NPAS3: variants seen among roughly 807,000 people sequenced by gnomAD.
NPAS3 encodes neuronal PAS domain-containing protein 3.
In NPAS3, 14 loss-of-function variants were observed where a neutral mutation model predicts 73.1. The ratio of observed to expected loss-of-function variants is 0.19; its 90% CI spans 0.13 to 0.30. The LOEUF (loss-of-function observed/expected upper bound fraction) is 0.30. Ranked by LOEUF, NPAS3 falls within the 10% of genes least tolerant of loss-of-function variation. NPAS3 has a pLI of 1.00. For missense variants in NPAS3, 1,096 were observed against 1,250.0 expected (o/e 0.88, Z 1.86); for synonymous variants, 620 against 541.5 (o/e 1.14, Z -2.01).
At chr14:32,941,190 TC>T (rs2035978138) in intron 1 of NPAS3, among the ~76,000 whole-genome samples, 1 of 112,364 alleles carries the variant, frequency 8.9e-6, no homozygotes, top group Admixed American at 8.6e-5. Flanking sequence ...TTGGTTTTCT[TC>T]CCCCTCCCCT....
intron 7 of NPAS3, among the ~76,000 whole-genome samples, chr14:33,771,577 C>T (rs897668797): frequency 2.0e-5 from 3 of 151,914 alleles, no homozygotes; most frequent in African/African-American, 4.8e-5. Context: ...TTTGGGAGGC[C>T]GAGGCAGGAG....
chr14:33,187,310 A>C (rs553871054), intron 2 of NPAS3, among the ~76,000 whole-genome samples: 183 of 152,228 alleles, frequency 1.2e-3, no homozygotes, highest in Non-Finnish European at 3.5e-4. Context: ...CTTGTTCTTC[A>C]TGCCCATGGG....
chr14:33,357,863 T>A lies in NPAS3; in HGVS notation c.386-9323T>A, dbSNP rs1270437268. On this transcript the variant is annotated intron_variant, in intron 3 of 11. Coordinates refer to ENST00000356141, the Ensembl canonical transcript of NPAS3. ...GTCCTCACAACTGCTGTGAGAGGCA[T>A]TAACCCTTTTGACAGAATGAGAAAT... Among the ~76,000 whole-genome samples the A allele has an allele frequency of 2.0e-5, 3 of 152,174 alleles. 1 individual carries two copies. Among genetic ancestry groups the A allele is most frequent in the Admixed American group, 6.5e-5 (1 of 15,282 alleles).
At chr14:33,308,589 A>C (rs61972729) in intron 3 of NPAS3, among the ~76,000 whole-genome samples, 1 of 16,048 alleles carries the variant, frequency 6.2e-5, no homozygotes, top group Admixed American at 5.4e-4. Context: ...ATCTATATAT[A>C]TGATCTATCT....
At chr14:33,047,989 G>T (rs1451901395) in intron 1 of NPAS3, among the ~76,000 whole-genome samples, 1 of 152,138 alleles carries the variant, frequency 6.6e-6, no homozygotes, top group Non-Finnish European at 1.5e-5. Context: ...TGCATTGCAG[G>T]TGGATTTCTC....
intron 7 of NPAS3, 41 bp from the exon 8 acceptor site, chr14:33,774,296 G>A: frequency 2.0e-6 from 3 of 1,521,156 alleles, no homozygotes; most frequent in East Asian, 2.3e-5. Context: ...TATCTGGGAT[G>A]TAAATTTGAC....
At chr14:33,157,849 C>G (rs939950237) in intron 2 of NPAS3, among the ~76,000 whole-genome samples, 3 of 152,100 alleles carry the variant, frequency 2.0e-5, no homozygotes, top group Admixed American at 6.5e-5. Flanking sequence ...GTCATCTCAT[C>G]TGTGAGATGG....
chr14:33,318,888 C>T (rs963146825), intron 3 of NPAS3, among the ~76,000 whole-genome samples: 8 of 152,058 alleles, frequency 5.3e-5, no homozygotes, highest in African/African-American at 1.9e-4. Flanking sequence ...CCTTAGAATC[C>T]GTACAGTTAT....
chr14:33,557,313 A>G (rs1355927823), intron 4 of NPAS3, among the ~76,000 whole-genome samples: 1 of 152,174 alleles, frequency 6.6e-6, no homozygotes, highest in Non-Finnish European at 1.5e-5. Flanking sequence ...AATATTTCGC[A>G]GCAAAGGTGG....
chr14:33,565,959 C>T (rs1022821977), intron 5 of NPAS3, among the ~76,000 whole-genome samples: 3 of 151,984 alleles, frequency 2.0e-5, no homozygotes, highest in African/African-American at 7.3e-5. Context: ...CCACCCCAAC[C>T]AGCAAGTCTA....
intron 7 of NPAS3, among the ~76,000 whole-genome samples, chr14:33,752,805 G>C (rs917693514): frequency 6.6e-6 from 1 of 152,108 alleles, no homozygotes; most frequent in African/African-American, 2.4e-5. Flanking sequence ...TTTTGGGGAG[G>C]ACGGCCTACC....
At chr14:33,089,135 C>A (rs2138790748) in intron 2 of NPAS3, among the ~76,000 whole-genome samples, 1 of 152,298 alleles carries the variant, frequency 6.6e-6, no homozygotes, top group South Asian at 2.1e-4. Context: ...AGCAATGGAA[C>A]AAACCTGGAC....
At chr14:33,201,426 A>G (rs2046612202) in intron 2 of NPAS3, among the ~76,000 whole-genome samples, 1 of 152,248 alleles carries the variant, frequency 6.6e-6, no homozygotes, top group South Asian at 2.1e-4. Flanking sequence ...TGCTGTTGAG[A>G]ATCACTGCCG....
chr14:33,396,988 C>T (rs1341113253), intron 4 of NPAS3, among the ~76,000 whole-genome samples: 1 of 151,990 alleles, frequency 6.6e-6, no homozygotes, highest in East Asian at 1.9e-4. Context: ...ATGATATAGA[C>T]ACAAATATAA....
chr14:33,416,509 A>G (rs760132833), intron 4 of NPAS3, among the ~76,000 whole-genome samples: 44 of 152,166 alleles, frequency 2.9e-4, no homozygotes, highest in Middle Eastern at 3.4e-3. Flanking sequence ...GTAATAAAAT[A>G]CAGTCTTTGA....
intron 1 of NPAS3, among the ~76,000 whole-genome samples, chr14:33,040,774 G>A (rs2040324310): frequency 6.6e-6 from 1 of 152,174 alleles, no homozygotes. Context: ...CATGCAAAAT[G>A]TGGTTAGTGA....
At chr14:33,676,133 C>A (rs1243458454) in intron 5 of NPAS3, 78 bp from the exon 6 acceptor site, 2 of 1,414,138 alleles carry the variant, frequency 1.4e-6, no homozygotes, top group Admixed American at 3.9e-5. Flanking sequence ...TACTCAGAAT[C>A]TGAATCACTG....
intron 6 of NPAS3, among the ~76,000 whole-genome samples, chr14:33,696,799 T>C (rs1234532808): frequency 1.3e-5 from 2 of 152,218 alleles, no homozygotes; most frequent in African/African-American, 2.4e-5. Context: ...GTTTCGTATA[T>C]AACGTATATG....
intron 1 of NPAS3, among the ~76,000 whole-genome samples, chr14:33,024,174 G>GTACA (rs2039715645): frequency 1.3e-5 from 2 of 149,734 alleles, no homozygotes; most frequent in Non-Finnish European, 3.0e-5. Context: ...GTGTGTGTAT[G>GTACA]TATATTCCCC....
Sources: allele counts gnomAD v4.1 joint callset (sites outside exome capture counted in the v4.1 genomes callset), GRCh38; gene constraint gnomAD v4.1.1; transcripts MANE v1.5; gene names NCBI Gene and HGNC (gene_info 2026-07-23, HGNC 2026-07-21).